ARR3: variants seen among roughly 807,000 people sequenced by gnomAD.
ARR3 encodes the protein arrestin 3.
In ARR3, 14 loss-of-function variants were observed where a neutral mutation model predicts 35.4. The observed-to-expected ratio is 0.40, with a 90% CI of 0.26 to 0.62. The LOEUF (loss-of-function observed/expected upper bound fraction) is 0.62. Among genes scored for constraint, ARR3 ranks in the 20% least tolerant of loss-of-function variants. The pLI is 0.46. For missense variants in ARR3, 259 were observed against 303.8 expected, an observed-to-expected ratio of 0.85 and a Z score of 1.10; for synonymous variants, 97 against 119.1, an observed-to-expected ratio of 0.81 and a Z score of 1.21.
At chrX:70,273,773 C>T (rs2085640262) in intron 5 of ARR3, among the ~76,000 whole-genome samples, 1 of 111,748 alleles carries the variant, frequency 8.9e-6, no homozygotes, top group South Asian at 3.8e-4. Context: ...AACTGAGACC[C>T]AGAGAAATCA....
At chrX:70,270,546 C>G (rs2085625926) in intron 5 of ARR3, among the ~76,000 whole-genome samples, 1 of 111,897 alleles carries the variant, frequency 8.9e-6, no homozygotes, top group Non-Finnish European at 1.9e-5. Flanking sequence ...GGCTATTGAT[C>G]TGGATCTTAG....
At chrX:70,278,216 G>A in intron 11 of ARR3, 78 bp downstream of exon 11, 1 of 934,766 alleles carries the variant, frequency 1.1e-6, no homozygotes. Flanking sequence ...AGTTGAGGGG[G>A]TAGAGTGGGG....
At chrX:70,275,841 A>G (rs1291526370) in intron 5 of ARR3, among the ~76,000 whole-genome samples, 1 of 106,117 alleles carries the variant, frequency 9.4e-6, no homozygotes, top group Non-Finnish European at 1.9e-5. Context: ...CCAGGCTAAT[A>G]CTTTGTATTT....
chrX:70,278,536 A>G lies in ARR3; in HGVS notation c.800A>G (p.Gln267Arg). The G allele has an allele frequency of 8.3e-7, 1 of 1,211,599 alleles. No individual in the cohort carries two copies. Among genetic ancestry groups the G allele is most frequent in the Admixed American group, 2.2e-5 (1 of 46,053 alleles). Residue 267 changes from glutamine to arginine, a missense_variant, in exon 12 of 17, where the codon CAG (glutamine) becomes CGG (arginine). Coordinates refer to ENST00000307959, the MANE Select transcript of ARR3 (RefSeq NM_004312.3). ...ETVAANSSFS[Q>R]SFAVTPILAA... ...GTAGCTGCTAATTCCAGCTTCTCCC[A>G]GAGCTTTGCAGTAACCCCAATCCTG...
intron 12 of ARR3, among the ~76,000 whole-genome samples, chrX:70,279,591 T>G: frequency 8.9e-6 from 1 of 112,533 alleles, no homozygotes; most frequent in Non-Finnish European, 1.9e-5. Context: ...TTCAGTCAAT[T>G]TATGGCCTAG....
At chrX:70,281,056 G>C in intron 15 of ARR3, 43 bp from the exon 16 acceptor site, 1 of 1,203,233 alleles carries the variant, frequency 8.3e-7, no homozygotes, top group Non-Finnish European at 1.1e-6. Flanking sequence ...CCTCTAATCA[G>C]CTTCAGCTCC....
intron 12 of ARR3, among the ~76,000 whole-genome samples, chrX:70,279,856 G>A (rs1441507960): frequency 8.9e-6 from 1 of 111,958 alleles, no homozygotes; most frequent in African/African-American, 3.3e-5. Flanking sequence ...TTCTGATCAC[G>A]GAGAGAAGAT....
At position 70,271,393 on chromosome X, in the gene ARR3, A is replaced by C. The variant is rs924449393; in HGVS notation, c.145+1249A>C. 2.7e-5 allele frequency among the ~76,000 whole-genome samples: 3 copies of C among 111,612 alleles called. No individual in the cohort carries two copies. In the Admixed American group the frequency reaches 2.9e-4, roughly 11 times the overall value. ...AATATGGTTTGTTACCTCTGTGAAG[A>C]TTGTCTTGTTTGCATCATATTTTCT... On this transcript the variant is annotated intron_variant, in intron 5 of 16. Transcript: ENST00000307959.
At position 70,276,783 on chromosome X, in the gene ARR3, G is replaced by A. The variant is rs991069280; in HGVS notation, c.473+47G>A. ...AAATCCCTGCCTCCAGCCTCTGCCAGGAAACAGATCCTGCTCTCATGACAG... is the reference window on the plus strand; with the variant it reads ...AAATCCCTGCCTCCAGCCTCTGCCAAGAAACAGATCCTGCTCTCATGACAG... On this transcript the variant is annotated intron_variant, in intron 8 of 16. Coordinates refer to ENST00000307959, the MANE Select transcript of ARR3 (RefSeq NM_004312.3). The A allele has an allele frequency of 5.4e-6, 6 of 1,106,695 alleles. No individual in the cohort carries two copies. The African/African-American group carries it at 1.1e-4, about 20-fold the overall frequency. The allele number at this position is 1,106,695 out of a possible 1,213,427, so 91.2% of individuals were successfully genotyped here.
In ARR3 at chrX:70,276,801, C is replaced by T. The variant is rs1569221541; in HGVS notation, c.473+65C>T. The T allele has an allele frequency of 3.8e-6, 4 of 1,039,831 alleles. No homozygotes were observed. The East Asian group carries it at 1.2e-4, about 32-fold the overall frequency. 85.7% of individuals were successfully genotyped at this position (1,039,831 alleles called of 1,213,427 possible). A position where few individuals can be genotyped will look rare whatever the true frequency, so the allele number is the denominator to read the frequency against. On this transcript the variant is annotated intron_variant, in intron 8 of 16. Transcript: ENST00000307959. The stretch of plus-strand genomic sequence containing the variant: ...TCTGCCAGGAAACAGATCCTGCTCT[C>T]ATGACAGAAATAGCCCCACTTCTAA...
In ARR3 at chrX:70,274,248, C is replaced by T. The variant is rs12851445; in HGVS notation, c.146-1834C>T. Among the ~76,000 whole-genome samples, 723 of 104,284 alleles carry T rather than the reference C, an allele frequency of 6.9e-3. 8 individuals are homozygous for T. Among genetic ancestry groups the T allele is most frequent in the Non-Finnish European group, 0.01 (521 of 51,081 alleles). The allele number at this position is 104,284 out of a possible 115,157, so 90.6% of individuals were successfully genotyped here. A position where few individuals can be genotyped will look rare whatever the true frequency, so the allele number is the denominator to read the frequency against. On this transcript the variant is annotated intron_variant, in intron 5 of 16. Transcript: ENST00000307959. ...ACAGAGACTCACTCTGTCACCCCCA[C>T]TGGAGGGCAGTGGTGCAATCTCAGC...
chrX:70,278,572 G>A lies in ARR3; in HGVS notation c.836G>A (p.Cys279Tyr), dbSNP rs145321267. Residue 279 changes from cysteine (C) to tyrosine (Y), a missense_variant, in exon 12 of 17, where the codon TGC (cysteine) becomes TAC (tyrosine). Physicochemically the swap from Cys to Tyr is radical, Grantham distance 194. Transcript: ENST00000307959. ...GTAACCCCAATCCTGGCTGCCAGCTGCCAGAAACGGGGCCTGGCACTGGAT... is the reference window on the plus strand; with the variant it reads ...GTAACCCCAATCCTGGCTGCCAGCTACCAGAAACGGGGCCTGGCACTGGAT... ...FAVTPILAAS[C>Y]QKRGLALDGK... 214 of 1,210,079 alleles carry A rather than the reference G, an allele frequency of 1.8e-4. No homozygotes were observed. Among genetic ancestry groups the A allele is most frequent in the Non-Finnish European group, 2.2e-4 (201 of 895,124 alleles).
chrX:70,278,185 G>A, intron 11 of ARR3, 47 bp downstream of exon 11: 2 of 1,110,238 alleles, frequency 1.8e-6, no homozygotes, highest in Non-Finnish European at 2.5e-6. Context: ...GGGTGGGGTG[G>A]TGGGAAGAGG....
intron 2 of ARR3, 83 bp from the exon 3 acceptor site, chrX:70,269,579 C>A (rs756083016): frequency 9.1e-7 from 1 of 1,102,422 alleles, no homozygotes; most frequent in Non-Finnish European, 1.2e-6. Context: ...AAGAATATTT[C>A]TTTTTCTCCC....
chrX:70,281,073 T>A, intron 15 of ARR3, 26 bp from the exon 16 acceptor site: 1 of 1,208,771 alleles, frequency 8.3e-7, no homozygotes, highest in Non-Finnish European at 1.1e-6. Flanking sequence ...CTCCATTTTT[T>A]CCCTCCGTCT....
At chrX:70,273,105 C>T (rs1028178693) in intron 5 of ARR3, among the ~76,000 whole-genome samples, 27 of 110,584 alleles carry the variant, frequency 2.4e-4, no homozygotes, top group African/African-American at 8.9e-4. Context: ...ATCTTAGATA[C>T]CTGTTACAAA....
chrX:70,280,483 C>T, intron 13 of ARR3, 76 bp from the exon 14 acceptor site: 1 of 1,089,880 alleles, frequency 9.2e-7, no homozygotes. Flanking sequence ...GTCTTATGAT[C>T]CCTCATCCCC....
intron 12 of ARR3, 125 bp downstream of exon 12, chrX:70,278,766 G>C: frequency 1.1e-6 from 1 of 925,279 alleles, no homozygotes; most frequent in Non-Finnish European, 1.5e-6. Context: ...CTCTAGGGCA[G>C]TGTTCAGAGA....
chrX:70,279,555 T>C (rs1021793058), intron 12 of ARR3, among the ~76,000 whole-genome samples: 11 of 112,700 alleles, frequency 9.8e-5, no homozygotes, highest in African/African-American at 3.2e-4. Flanking sequence ...GTGGAGAATA[T>C]AAAGAAGTTT....
Sources: gnomAD v4.1 joint callset for allele counts (sites outside exome capture counted in the v4.1 genomes callset) on GRCh38, gnomAD v4.1.1 for gene constraint, MANE v1.5 for transcripts, NCBI Gene and HGNC (gene_info 2026-07-23, HGNC 2026-07-21) for gene names.